The following KAT6B variants were observed in gnomAD, a reference collection of about 807,000 sequenced individuals.
KAT6B encodes histone acetyltransferase KAT6B.
A neutral mutation model predicts 187.5 loss-of-function variants in KAT6B; 10 were observed. The observed-to-expected ratio is 0.05, with a 90% CI of 0.03 to 0.09. The LOEUF is 0.09. Among genes scored for constraint, KAT6B ranks in the 10% least tolerant of loss-of-function variants. The pLI is 1.00. For missense variants in KAT6B, 1,952 were observed against 2,558.9 expected, an observed-to-expected ratio of 0.76 and a Z score of 5.12; for synonymous variants, 861 against 926.8, an observed-to-expected ratio of 0.93 and a Z score of 1.29.
upstream of KAT6B, chr10:74,826,587 T>C (rs1056123475): frequency 9.8e-5 from 15 of 152,702 alleles, no homozygotes; most frequent in South Asian, 3.9e-4. Flanking sequence ...TGAGACTCCA[T>C]TGGGCTGTAA....
chr10:74,989,255 A>G (rs1715732036), intron 13 of KAT6B, 143 bp downstream of exon 13: 2 of 689,648 alleles, frequency 2.9e-6, no homozygotes, highest in African/African-American at 1.8e-5. Flanking sequence ...TACATAGGTT[A>G]GAACATCTTC....
At chr10:75,006,477 GT>G (rs1330502732) in intron 13 of KAT6B, among the ~76,000 whole-genome samples, 1 of 152,090 alleles carries the variant, frequency 6.6e-6, no homozygotes, top group East Asian at 1.9e-4. Flanking sequence ...TTGAGACAGG[GT>G]CTTGCTCTAT....
intron 1 of KAT6B, among the ~76,000 whole-genome samples, chr10:74,835,272 A>G (rs1433620707): frequency 6.6e-6 from 1 of 152,204 alleles, no homozygotes; most frequent in African/African-American, 2.4e-5. Context: ...TTATCTTTCA[A>G]GGTTCAGTTT....
At chr10:74,961,767 T>C (rs1841111368) in intron 4 of KAT6B, among the ~76,000 whole-genome samples, 1 of 152,244 alleles carries the variant, frequency 6.6e-6, no homozygotes, top group South Asian at 2.1e-4. Flanking sequence ...TTTCTTACTT[T>C]TCGCTCAGAC....
At position 74,826,754 on chromosome 10, in the gene KAT6B, C is replaced by A; in HGVS notation, c.-360C>A. The stretch of plus-strand genomic sequence containing the variant: ...GTTTCTCAGGCAGCGGCAGCGCCCC[C>A]GGCAGGCGCGGTGGCGGTGGCGCGC... On this transcript the variant is annotated 5_prime_UTR_variant, in exon 1 of 18. Transcript: ENST00000287239. 1 of 152,438 alleles carries A rather than the reference C, an allele frequency of 6.6e-6. No homozygotes were observed. The highest frequency in any genetic ancestry group is 1.9e-4 in the South Asian group (1 of 5,364). 9.4% of individuals were successfully genotyped at this position (152,438 alleles called of 1,614,324 possible). A position where few individuals can be genotyped will look rare whatever the true frequency, so the allele number is the denominator to read the frequency against.
chr10:75,029,895 G>A lies in KAT6B; in HGVS notation c.5071G>A (p.Gly1691Arg), dbSNP rs768361136. ...ENPSSYDSTM[G>R]GSICGNGSSQ... ...CCCAAGCAGCTACGATTCTACTATGGGAGGCAGCATCTGTGGAAACGGCTC... is the reference window on the plus strand; with the variant it reads ...CCCAAGCAGCTACGATTCTACTATGAGAGGCAGCATCTGTGGAAACGGCTC... Residue 1691 changes from glycine to arginine, a missense_variant, in exon 18 of 18, where the codon GGA (glycine) becomes AGA (arginine). Around this residue, in one of 9 missense-constraint regions of KAT6B, gnomAD observed 87 missense variants for 167.5 expected, o/e 0.52. Coordinates refer to ENST00000287239, the MANE Select transcript of KAT6B (RefSeq NM_012330.4). The surrounding 1 kb of genome is among the most constrained non-coding windows in gnomAD (Gnocchi z 6.2). 1 of 1,614,184 alleles carries A rather than the reference G, an allele frequency of 6.2e-7. No individual in the cohort carries two copies. Among genetic ancestry groups the A allele is most frequent in the Non-Finnish European group, 8.5e-7 (1 of 1,180,046 alleles).
At chr10:74,940,349 C>G (rs1172463161) in intron 3 of KAT6B, among the ~76,000 whole-genome samples, 2 of 148,660 alleles carry the variant, frequency 1.3e-5, no homozygotes, top group East Asian at 4.0e-4. Flanking sequence ...CATCTCAGCT[C>G]ACTGCAACCT....
At chr10:74,931,852 C>G (rs976231687) in intron 3 of KAT6B, among the ~76,000 whole-genome samples, 1 of 152,324 alleles carries the variant, frequency 6.6e-6, no homozygotes, top group Admixed American at 6.5e-5. Flanking sequence ...GCTGGGATTA[C>G]AGGCGCATGC....
At chr10:74,942,778 A>G (rs1162595312) in intron 3 of KAT6B, among the ~76,000 whole-genome samples, 1 of 150,170 alleles carries the variant, frequency 6.7e-6, no homozygotes, top group Non-Finnish European at 1.5e-5. Context: ...AAAAAAAAAA[A>G]AAAAAAAAAA....
rs747683895 is a variant in KAT6B at position 75,030,660 on chromosome 10, C to T, written c.5836C>T (p.Arg1946Cys). 8.7e-6 allele frequency: 14 copies of T among 1,614,086 alleles called. No individual in the cohort carries two copies. The highest frequency in any genetic ancestry group is 2.2e-5 in the East Asian group (1 of 44,902). Reference protein sequence around the residue: ...AATHQSQIYGRSQTVAMQGPA... With the variant: ...AATHQSQIYGCSQTVAMQGPA... ...CACCCATCAGTCACAAATCTATGGG[C>T]GCTCCCAGACTGTAGCCATGCAGGG... The change falls in exon 18 of 18, where the codon CGC (arginine) becomes TGC (cysteine). Residue 1946 changes from arginine to cysteine, a missense_variant. This residue lies in a region of KAT6B where 358 missense variants were observed against 436.3 expected (regional missense o/e 0.82). Coordinates refer to ENST00000287239, the MANE Select transcript of KAT6B (RefSeq NM_012330.4). The surrounding 1 kb of genome is among the most constrained non-coding windows in gnomAD (Gnocchi z 4.8).
At chr10:74,875,655 G>A (rs577489977) in intron 3 of KAT6B, among the ~76,000 whole-genome samples, 1 of 152,070 alleles carries the variant, frequency 6.6e-6, no homozygotes, top group Admixed American at 6.5e-5. Flanking sequence ...TAGTAGAGAT[G>A]AGGTTTCACC....
chr10:74,931,568 T>C (rs923502280), intron 3 of KAT6B, among the ~76,000 whole-genome samples: 1 of 152,246 alleles, frequency 6.6e-6, no homozygotes, highest in Non-Finnish European at 1.5e-5. Context: ...AGTATTTCTT[T>C]AGCCATGTGA....
At chr10:74,900,319 A>G (rs12261742) in intron 3 of KAT6B, among the ~76,000 whole-genome samples, 3,721 of 152,330 alleles carry the variant, frequency 0.024, 156 homozygotes, top group African/African-American at 0.085. Context: ...AGAGACACCT[A>G]ATGTTCAAAA....
At chr10:74,990,058 G>T (rs1165260910) in intron 13 of KAT6B, among the ~76,000 whole-genome samples, 2 of 151,812 alleles carry the variant, frequency 1.3e-5, no homozygotes, top group African/African-American at 4.8e-5. Flanking sequence ...AGCTGGATGT[G>T]GTGGCACACA....
intron 3 of KAT6B, among the ~76,000 whole-genome samples, chr10:74,861,986 A>G (rs1365412052): frequency 6.6e-6 from 1 of 152,200 alleles, no homozygotes; most frequent in East Asian, 1.9e-4. Context: ...GCAGCCATTC[A>G]CTTGTCTAGA....
chr10:74,985,943 G>A (rs1340652307), intron 12 of KAT6B, among the ~76,000 whole-genome samples: 1 of 152,172 alleles, frequency 6.6e-6, no homozygotes, highest in Non-Finnish European at 1.5e-5. Context: ...CTACTTGGGA[G>A]GCTGAGGCAG....
At chr10:74,856,662 G>A (rs1028504404) in intron 3 of KAT6B, among the ~76,000 whole-genome samples, 1 of 152,106 alleles carries the variant, frequency 6.6e-6, no homozygotes, top group South Asian at 2.1e-4. Flanking sequence ...ACTTTGGGAG[G>A]CTAAGATGGG....
rs190991013 is a variant in KAT6B, at chr10:74,863,904, G to T, written c.621+20426G>T. 1.6e-3 allele frequency among the ~76,000 whole-genome samples: 247 copies of T among 152,178 alleles called. No individual in the cohort carries two copies. In the East Asian group the frequency reaches 0.017, roughly 11 times the overall value. On this transcript the variant is annotated intron_variant, in intron 3 of 17. Coordinates refer to ENST00000287239, the MANE Select transcript of KAT6B (RefSeq NM_012330.4). ...TGTAGACATTATCTGTTGACTTCTT[G>T]CGAGTGTAGATAAGGATAAAGGTCC...
In KAT6B at chr10:74,860,097, G is replaced by A. The variant is rs531685319; in HGVS notation, c.621+16619G>A. Among the ~76,000 whole-genome samples the A allele has an allele frequency of 1.7e-4, 26 of 152,146 alleles. 1 individual carries two copies. The highest frequency in any genetic ancestry group is 3.4e-3 in the Middle Eastern group (1 of 294). The stretch of plus-strand genomic sequence containing the variant: ...ATACTTTAAGTTCTAGGGAACATGT[G>A]CACAAGTGCAAGTTTGTTACATATA... On this transcript the variant is annotated intron_variant, in intron 3 of 17. Coordinates refer to ENST00000287239, the MANE Select transcript of KAT6B (RefSeq NM_012330.4).
Sources: allele counts gnomAD v4.1 joint callset (sites outside exome capture counted in the v4.1 genomes callset), GRCh38; gene constraint gnomAD v4.1.1; regional missense constraint gnomAD v4.1.1; non-coding constraint Gnocchi (gnomAD v3.1); transcripts MANE v1.5; gene names NCBI Gene and HGNC (gene_info 2026-07-23, HGNC 2026-07-21).